The following PRKG1 variants were observed in gnomAD, a reference collection of about 807,000 sequenced individuals.
PRKG1 encodes the protein protein kinase cGMP-dependent 1.
A neutral mutation model predicts 88.1 loss-of-function variants in PRKG1; 35 were observed. The ratio of observed to expected loss-of-function variants is 0.40; its 90% CI spans 0.30 to 0.53. PRKG1 has a LOEUF of 0.53. Ranked by LOEUF, PRKG1 falls within the 20% of genes least tolerant of loss-of-function variation. The probability of loss-of-function intolerance (pLI) is 0.59; values close to 1 mark genes in which losing one functional copy is unlikely to be tolerated. For synonymous variants in PRKG1, 303 were observed against 292.5 expected, an observed-to-expected ratio of 1.04 and a Z score of -0.37; for missense variants, 540 against 839.8, an observed-to-expected ratio of 0.64 and a Z score of 4.41.
intron 2 of PRKG1, among the ~76,000 whole-genome samples, chr10:51,176,881 T>G (rs531389580): frequency 2.0e-5 from 3 of 152,284 alleles, no homozygotes; most frequent in East Asian, 1.9e-4. Context: ...GTTCTCCAGA[T>G]AAGTCTATAA....
Position 51,818,727 on chromosome 10 carries a change from G to T in PRKG1, c.698+14037G>T, listed in dbSNP as rs1396453746. On this transcript the variant is annotated intron_variant, in intron 4 of 17. Coordinates refer to ENST00000373980, the MANE Select transcript of PRKG1 (RefSeq NM_006258.4). The stretch of plus-strand genomic sequence containing the variant: ...TATTGTTGTAAAAGAATACCAGAGG[G>T]CCGGGCGCGGTGGCTCACGCCTGTA... 5.8e-5 allele frequency among the ~76,000 whole-genome samples: 6 copies of T among 104,150 alleles called. 2 individuals carry two copies. The East Asian group carries it at 1.7e-3, about 30-fold the overall frequency. The allele number at this position is 104,150 out of a possible 152,430, so 68.3% of individuals were successfully genotyped here.
intron 4 of PRKG1, among the ~76,000 whole-genome samples, chr10:51,858,276 C>A (rs375335206): frequency 8.9e-4 from 8 of 8,992 alleles, no homozygotes; most frequent in South Asian, 4.6e-3. Context: ...TAATATTATA[C>A]ATATGTATAA....
chr10:51,797,522 T>C (rs1839046766), intron 3 of PRKG1, among the ~76,000 whole-genome samples: 1 of 146,712 alleles, frequency 6.8e-6, no homozygotes, highest in Non-Finnish European at 1.5e-5. Flanking sequence ...AATATATAGA[T>C]AAATTTGTTG....
intron 7 of PRKG1, among the ~76,000 whole-genome samples, chr10:52,113,472 T>C (rs1847614891): frequency 6.6e-6 from 1 of 151,980 alleles, no homozygotes; most frequent in Non-Finnish European, 1.5e-5. Flanking sequence ...TATCTGCTTT[T>C]CAAATGAATT....
intron 2 of PRKG1, among the ~76,000 whole-genome samples, chr10:51,229,926 C>CA (rs35300789): frequency 0.13 from 4,467 of 33,310 alleles, 313 homozygotes; most frequent in African/African-American, 0.24. Flanking sequence ...GAGGCGATCT[C>CA]AAAAAAAAAA....
chr10:51,041,357 C>T (rs1843418796), intron 1 of PRKG1, among the ~76,000 whole-genome samples: 1 of 152,128 alleles, frequency 6.6e-6, no homozygotes, highest in Admixed American at 6.5e-5. Flanking sequence ...ACAAATTCCC[C>T]TGTATTTTTA....
At chr10:51,063,238 A>G (rs1371847450) in intron 1 of PRKG1, among the ~76,000 whole-genome samples, 2 of 152,228 alleles carry the variant, frequency 1.3e-5, no homozygotes, top group Admixed American at 6.5e-5. Context: ...ACTTCACTCA[A>G]GTACAGCTGC....
chr10:51,124,884 A>G (rs1845358388), intron 1 of PRKG1, among the ~76,000 whole-genome samples: 1 of 152,198 alleles, frequency 6.6e-6, no homozygotes, highest in Non-Finnish European at 1.5e-5. Context: ...TATTGTGCTC[A>G]TCTGTAGTTC....
intron 3 of PRKG1, chr10:51,698,883 G>T: frequency 6.2e-7 from 1 of 1,614,038 alleles, no homozygotes; most frequent in Non-Finnish European, 8.5e-7. Context: ...TTAGGTCCTG[G>T]GCAGAGCCCA....
chr10:51,891,518 AT>A (rs1160961790), intron 4 of PRKG1, among the ~76,000 whole-genome samples: 1 of 152,176 alleles, frequency 6.6e-6, no homozygotes, highest in Non-Finnish European at 1.5e-5. Context: ...ATATTCTTGC[AT>A]TTATTCTAAA....
intron 9 of PRKG1, among the ~76,000 whole-genome samples, chr10:52,224,583 A>G (rs1429121947): frequency 4.8e-5 from 1 of 20,876 alleles, no homozygotes; most frequent in African/African-American, 1.3e-4. Flanking sequence ...TTTGTAGTCT[A>G]TCCTTCGCCC....
chr10:52,068,782 C>T (rs1471357286), intron 7 of PRKG1, among the ~76,000 whole-genome samples: 1 of 152,150 alleles, frequency 6.6e-6, no homozygotes, highest in African/African-American at 2.4e-5. Context: ...TTTGAGTCAA[C>T]CACTCATTGA....
intron 4 of PRKG1, among the ~76,000 whole-genome samples, chr10:51,819,176 G>A (rs1280145206): frequency 3.3e-5 from 5 of 152,032 alleles, no homozygotes; most frequent in African/African-American, 1.2e-4. Context: ...CGTGGTGGAA[G>A]GTGAAGGGGA....
In PRKG1 at chr10:51,723,370, G is replaced by A. The variant is rs181710773; in HGVS notation, c.593-81215G>A. ...CATCATTCTCAGCAAACTAATACAC[G>A]AATAGAAAACCAAACACCACATGTT... On this transcript the variant is annotated intron_variant, in intron 3 of 17. Transcript: ENST00000373980. Among the ~76,000 whole-genome samples the A allele has an allele frequency of 2.6e-3, 394 of 152,186 alleles. 9 individuals are homozygous for A. Among genetic ancestry groups the A allele is most frequent in the Non-Finnish European group, 3.9e-3 (262 of 68,024 alleles).
chr10:51,620,593 G>A (rs1839180794), intron 3 of PRKG1, among the ~76,000 whole-genome samples: 2 of 151,806 alleles, frequency 1.3e-5, no homozygotes, highest in African/African-American at 4.8e-5. Flanking sequence ...TAATTTCTAG[G>A]GCCAGTGTTA....
At chr10:51,611,576 G>C (rs995457096) in intron 3 of PRKG1, among the ~76,000 whole-genome samples, 2 of 151,298 alleles carry the variant, frequency 1.3e-5, no homozygotes, top group African/African-American at 4.8e-5. Flanking sequence ...CGTTTCAAGA[G>C]GTTGCCCCTT....
chr10:51,979,410 G>GTTTTTTTGTTTT (rs1843937173), intron 5 of PRKG1, among the ~76,000 whole-genome samples: 1 of 47,056 alleles, frequency 2.1e-5, no homozygotes. Flanking sequence ...ATATTGGTCT[G>GTTTTTTTGTTTT]TTTTTTTTTT....
At chr10:51,262,183 G>T (rs1008475982) in intron 2 of PRKG1, among the ~76,000 whole-genome samples, 5 of 152,066 alleles carry the variant, frequency 3.3e-5, no homozygotes, top group African/African-American at 1.2e-4. Context: ...ACTGTGCCCG[G>T]CCAGGACTTT....
intron 2 of PRKG1, among the ~76,000 whole-genome samples, chr10:51,403,381 C>T (rs886125037): frequency 6.6e-6 from 1 of 152,090 alleles, no homozygotes; most frequent in African/African-American, 2.4e-5. Flanking sequence ...GATTAGATTT[C>T]TTTGAAGAAA....
Sources: allele counts gnomAD v4.1 joint callset (sites outside exome capture counted in the v4.1 genomes callset), GRCh38; gene constraint gnomAD v4.1.1; transcripts MANE v1.5; gene names NCBI Gene and HGNC (gene_info 2026-07-23, HGNC 2026-07-21).